VAT1L: variants seen among roughly 807,000 people sequenced by gnomAD.
VAT1L encodes vesicle amine transport 1 like.
Under a neutral mutation model 44.1 loss-of-function variants are expected in VAT1L, and 34 were observed. That is an observed-to-expected ratio of 0.77 (90% confidence interval 0.59 to 1.03). VAT1L has a LOEUF of 1.03. Ranked by LOEUF, VAT1L falls within the 50% of genes least tolerant of loss-of-function variation. The probability of loss-of-function intolerance (pLI) is 0.00; values close to 1 mark genes in which losing one functional copy is unlikely to be tolerated. For missense variants in VAT1L, 615 were observed against 538.8 expected (o/e 1.14, Z -1.40); for synonymous variants, 253 against 202.2 (o/e 1.25, Z -2.13).
intron 1 of VAT1L, among the ~76,000 whole-genome samples, chr16:77,805,228 G>C (rs2016134487): frequency 6.6e-6 from 1 of 152,162 alleles, no homozygotes; most frequent in Non-Finnish European, 1.5e-5. Flanking sequence ...CAGTGTCCTT[G>C]CTTTGGTCAC....
intron 7 of VAT1L, among the ~76,000 whole-genome samples, chr16:77,908,725 C>G (rs1043619886): frequency 1.3e-5 from 2 of 151,886 alleles, no homozygotes; most frequent in African/African-American, 4.8e-5. Flanking sequence ...ACCATCCTGG[C>G]TAACACAGCG....
At chr16:77,806,185 C>T (rs1597168822) in intron 1 of VAT1L, among the ~76,000 whole-genome samples, 4 of 149,638 alleles carry the variant, frequency 2.7e-5, no homozygotes, top group South Asian at 2.1e-4. Context: ...TTAAATTCCT[C>T]GATCTCTTTC....
chr16:77,880,773 G>C (rs984858067), intron 6 of VAT1L, among the ~76,000 whole-genome samples: 2 of 151,612 alleles, frequency 1.3e-5, no homozygotes, highest in Admixed American at 6.6e-5. Context: ...GTCCCCTTTA[G>C]TGGTCTGCAG....
intron 7 of VAT1L, among the ~76,000 whole-genome samples, chr16:77,960,507 G>T (rs1056907623): frequency 4.6e-5 from 7 of 152,174 alleles, no homozygotes; most frequent in African/African-American, 1.7e-4. Flanking sequence ...CTAGGACCTT[G>T]CAGGAGCTGT....
intron 7 of VAT1L, among the ~76,000 whole-genome samples, chr16:77,889,854 A>G (rs949941658): frequency 6.6e-6 from 1 of 152,184 alleles, no homozygotes; most frequent in Non-Finnish European, 1.5e-5. Context: ...TGGGAGGCTG[A>G]GGCAAGCAGT....
chr16:77,900,239 A>T (rs1344628455), intron 7 of VAT1L, among the ~76,000 whole-genome samples: 1 of 152,186 alleles, frequency 6.6e-6, no homozygotes, highest in Non-Finnish European at 1.5e-5. Context: ...CACATTCCTT[A>T]TTCCGGAGAT....
rs910463332 is a variant in VAT1L, at chr16:77,979,263, G to C, written c.*1568G>C. 3 of 152,560 alleles carry C rather than the reference G, an allele frequency of 2.0e-5. No individual in the cohort carries two copies. Among genetic ancestry groups the C allele is most frequent in the African/African-American group, 4.8e-5 (2 of 41,430 alleles). The allele number at this position is 152,560 out of a possible 1,614,324, so 9.5% of individuals were successfully genotyped here. ...GTTTCTCCTCATTGTGAATGTGTAT[G>C]TAAAATATGAAGACAAGAAAGGGTG... On this transcript the variant is annotated 3_prime_UTR_variant, in exon 9 of 9. Coordinates refer to ENST00000302536, the MANE Select transcript of VAT1L (RefSeq NM_020927.3).
chr16:77,941,747 T>G lies in VAT1L; in HGVS notation c.1078-30103T>G, dbSNP rs72796738. On this transcript the variant is annotated intron_variant, in intron 7 of 8. Transcript: ENST00000302536. ...ATTACAGGCACCATGCCACCAAGCC[T>G]GGCTGATTTTTTTGTATTTTTGGTA... Among the ~76,000 whole-genome samples the G allele has an allele frequency of 9.3e-3, 1,415 of 152,166 alleles. 8 individuals are homozygous for G. Among genetic ancestry groups the G allele is most frequent in the Non-Finnish European group, 0.016 (1,109 of 67,998 alleles).
Position 77,843,229 on chromosome 16 carries a change from G to A in VAT1L, c.579+17768G>A, listed in dbSNP as rs1163381871. Reference sequence around the variant, plus strand: ...GGGAGCATCAAGGTGACCTTGCTATGGGCTGTTTTTTCAATGGTTTATAGG... The same window carrying A: ...GGGAGCATCAAGGTGACCTTGCTATAGGCTGTTTTTTCAATGGTTTATAGG... On this transcript the variant is annotated intron_variant, in intron 3 of 8. Transcript: ENST00000302536. Among the ~76,000 whole-genome samples the A allele has an allele frequency of 2.0e-5, 3 of 152,168 alleles. No individual in the cohort carries two copies. In the East Asian group the frequency reaches 5.8e-4, roughly 29 times the overall value.
intron 3 of VAT1L, among the ~76,000 whole-genome samples, chr16:77,834,168 T>C (rs1190022131): frequency 1.3e-5 from 2 of 152,194 alleles, no homozygotes; most frequent in Admixed American, 6.5e-5. Flanking sequence ...CACACACGGC[T>C]CTCATTATCT....
intron 7 of VAT1L, among the ~76,000 whole-genome samples, chr16:77,936,941 A>G (rs929946471): frequency 3.3e-5 from 5 of 152,078 alleles, no homozygotes; most frequent in African/African-American, 1.2e-4. Context: ...CTGGAGTGCA[A>G]TGGCACATTC....
At chr16:77,920,588 T>C (rs1232740772) in intron 7 of VAT1L, among the ~76,000 whole-genome samples, 2 of 152,204 alleles carry the variant, frequency 1.3e-5, no homozygotes, top group African/African-American at 4.8e-5. Context: ...TGTGTGTGGA[T>C]ATAGTCATGC....
At chr16:77,883,266 C>G (rs1033862691) in intron 6 of VAT1L, among the ~76,000 whole-genome samples, 7 of 152,146 alleles carry the variant, frequency 4.6e-5, no homozygotes, top group African/African-American at 1.7e-4. Context: ...CCCCCAGAAA[C>G]TGGACGCTTG....
chr16:77,819,810 G>A (rs957758838), intron 2 of VAT1L, among the ~76,000 whole-genome samples: 1 of 152,228 alleles, frequency 6.6e-6, no homozygotes, highest in Non-Finnish European at 1.5e-5. Flanking sequence ...CCTGCTTTCT[G>A]AAATATAATG....
intron 1 of VAT1L, among the ~76,000 whole-genome samples, chr16:77,799,698 T>C (rs951590664): frequency 3.3e-5 from 5 of 152,162 alleles, no homozygotes; most frequent in Non-Finnish European, 7.4e-5. Context: ...CTTCATCCAG[T>C]AAAAAGTGAA....
chr16:77,809,929 G>A (rs1001791963), intron 1 of VAT1L, among the ~76,000 whole-genome samples: 5 of 152,176 alleles, frequency 3.3e-5, no homozygotes, highest in African/African-American at 1.2e-4. Context: ...CAGCAACTTG[G>A]ATGTAGAAGC....
At chr16:77,887,576 T>G (rs1278631686) in intron 7 of VAT1L, among the ~76,000 whole-genome samples, 1 of 152,104 alleles carries the variant, frequency 6.6e-6, no homozygotes, top group African/African-American at 2.4e-5. Flanking sequence ...CAACCCTCAG[T>G]GCTGGGGGAA....
In VAT1L at chr16:77,960,118, T is replaced by C. The variant is rs542519120; in HGVS notation, c.1078-11732T>C. Among the ~76,000 whole-genome samples, 15 of 152,202 alleles carry C rather than the reference T, an allele frequency of 9.9e-5. No individual in the cohort carries two copies. In the East Asian group the frequency reaches 2.9e-3, roughly 29 times the overall value. On this transcript the variant is annotated intron_variant, in intron 7 of 8. Coordinates refer to ENST00000302536, the MANE Select transcript of VAT1L (RefSeq NM_020927.3). The stretch of plus-strand genomic sequence containing the variant: ...CATCCACAACCTCATAACACCATCT[T>C]ACCAAGTGGTAATGTTACATTTGTT...
intron 8 of VAT1L, 77 bp downstream of exon 8, chr16:77,972,010 G>A (rs1220955603): frequency 4.2e-6 from 6 of 1,424,834 alleles, no homozygotes; most frequent in African/African-American, 2.8e-5. Flanking sequence ...GACACGGGTG[G>A]GGTAGAAGGA....
Sources: allele counts gnomAD v4.1 joint callset (sites outside exome capture counted in the v4.1 genomes callset), GRCh38; gene constraint gnomAD v4.1.1; transcripts MANE v1.5; gene names NCBI Gene and HGNC (gene_info 2026-07-23, HGNC 2026-07-21).